Variants in PDGFRB observed in about 807,000 individuals in gnomAD.
PDGFRB encodes the protein platelet-derived growth factor receptor beta.
A neutral mutation model predicts 120.2 loss-of-function variants in PDGFRB; 42 were observed. That is an observed-to-expected ratio of 0.35 (90% CI 0.27 to 0.45). The LOEUF is 0.45. Among genes scored for constraint, PDGFRB ranks in the 20% least tolerant of loss-of-function variants. The pLI is 1.00. For synonymous variants in PDGFRB, 586 were observed against 606.8 expected (o/e 0.97, Z 0.50); for missense variants, 1,149 against 1,476.3 (o/e 0.78, Z 3.63).
intron 22 of PDGFRB, 94 bp from the exon 23 acceptor site, chr5:150,116,040 A>G: frequency 9.3e-7 from 1 of 1,074,042 alleles, no homozygotes; most frequent in Non-Finnish European, 1.3e-6. Flanking sequence ...CCACCCCTGC[A>G]CCGTAGGCTT....
In PDGFRB at chr5:150,145,247, G is replaced by GT. The variant is rs78419914; in HGVS notation, c.-6-8195dup. ...TTTCTTTCATCTAGCTTACTTTATT[G>GT]TAAGAACATAGTATATAATATACAT... On this transcript the variant is annotated intron_variant, in intron 1 of 22. Coordinates refer to ENST00000261799, the MANE Select transcript of PDGFRB (RefSeq NM_002609.4). Among the ~76,000 whole-genome samples, 194 of 152,270 alleles carry GT rather than the reference G, an allele frequency of 1.3e-3. 3 individuals carry two copies. In the East Asian group the frequency reaches 0.034, roughly 27 times the overall value.
chr5:150,141,521 A>G (rs1224162682), intron 1 of PDGFRB, among the ~76,000 whole-genome samples: 3 of 152,178 alleles, frequency 2.0e-5, no homozygotes, highest in Admixed American at 6.5e-5. Context: ...TAGAGCAGAG[A>G]TTAAAGTGAA....
chr5:150,136,570 G>C (rs1434219645), intron 2 of PDGFRB, among the ~76,000 whole-genome samples: 5 of 152,178 alleles, frequency 3.3e-5, no homozygotes, highest in African/African-American at 1.2e-4. Flanking sequence ...ATTAATTGCT[G>C]GGTCAGTCGC....
chr5:150,125,394 C>G lies in PDGFRB; in HGVS notation c.1807+51G>C, dbSNP rs759280229. Reference sequence around the variant, plus strand: ...CTGGGACCAGACCTCAGAGAGTCTTCCCACCCAACTTGAGTCCCCACACTG... The same window carrying G: ...CTGGGACCAGACCTCAGAGAGTCTTGCCACCCAACTTGAGTCCCCACACTG... On this transcript the variant is annotated intron_variant, in intron 12 of 22. Transcript: ENST00000261799. The G allele has an allele frequency of 3.2e-6, 5 of 1,550,908 alleles. No individual in the cohort carries two copies. In the East Asian group the frequency reaches 1.1e-4, roughly 35 times the overall value.
chr5:150,153,512 C>G (rs573265257), intron 1 of PDGFRB: 1 of 152,330 alleles, frequency 6.6e-6, no homozygotes, highest in African/African-American at 2.4e-5. Flanking sequence ...GGGAAAGTCA[C>G]TTAGCCTCTC....
Position 150,135,768 on chromosome 5 carries a change from C to T in PDGFRB, c.151G>A (p.Val51Ile), listed in dbSNP as rs761086433. 1.1e-5 allele frequency: 18 copies of T among 1,613,236 alleles called. No individual in the cohort carries two copies. The highest frequency in any genetic ancestry group is 1.7e-4 in the Middle Eastern group (1 of 6,058). ...GGAGCTGAACCCGAGCAGGTCAGAA[C>T]GAAGGTGCTGGAGACATTGAGGACA... ...ELVLNVSSTFVLTCSGSAPVV... is the reference protein window; with the variant it reads ...ELVLNVSSTFILTCSGSAPVV... Residue 51 changes from valine to isoleucine, a missense_variant, in exon 3 of 23, where the codon GTT (valine) becomes ATT (isoleucine). Physicochemically the swap from Val to Ile is conservative, Grantham distance 29. This residue lies in a region of PDGFRB where 879 missense variants were observed against 1,108.6 expected (regional missense o/e 0.79). Coordinates refer to ENST00000261799, the MANE Select transcript of PDGFRB (RefSeq NM_002609.4).
intron 1 of PDGFRB, among the ~76,000 whole-genome samples, chr5:150,140,438 G>A (rs116046272): frequency 0.013 from 1,936 of 152,320 alleles, 17 homozygotes; most frequent in Middle Eastern, 0.02. Context: ...GGCACCCCTA[G>A]GTGTCCCCCT....
chr5:150,115,215 A>G lies in PDGFRB; in HGVS notation c.*548T>C, dbSNP rs1182635171. The G allele has an allele frequency of 4.3e-6, 1 of 232,870 alleles. No individual in the cohort carries two copies. Among genetic ancestry groups the G allele is most frequent in the African/African-American group, 2.2e-5 (1 of 45,256 alleles). 14.4% of individuals were successfully genotyped at this position (232,870 alleles called of 1,614,324 possible). A position where few individuals can be genotyped will look rare whatever the true frequency, so the allele number is the denominator to read the frequency against. ...CAGGGACTGGCATCATAGGGAGGAG[A>G]CTGGCTTTCTTCTGGATGAGGCAAC... On this transcript the variant is annotated 3_prime_UTR_variant, in exon 23 of 23. Transcript: ENST00000261799.
At position 150,119,584 on chromosome 5, in the gene PDGFRB, CAA is replaced by C; in HGVS notation, c.2699-20_2699-19del. ...GGTGCCACCTGTTGGGGAGCAGAGACAAGAGATACACAGGCTCAGGGGTGGAA... is the reference window on the plus strand; with the variant it reads ...GGTGCCACCTGTTGGGGAGCAGAGACGAGATACACAGGCTCAGGGGTGGAA... On this transcript the variant is annotated intron_variant, in intron 19 of 22. Coordinates refer to ENST00000261799, the MANE Select transcript of PDGFRB (RefSeq NM_002609.4). The C allele has an allele frequency of 6.8e-7, 1 of 1,467,382 alleles. No homozygotes were observed. Among genetic ancestry groups the C allele is most frequent in the Non-Finnish European group, 9.6e-7 (1 of 1,045,968 alleles). 90.9% of individuals were successfully genotyped at this position (1,467,382 alleles called of 1,614,324 possible). A position where few individuals can be genotyped will look rare whatever the true frequency, so the allele number is the denominator to read the frequency against.
rs749262788 is a variant in PDGFRB at position 150,133,963 on chromosome 5, C to A, written c.677G>T (p.Arg226Leu). The change falls in exon 5 of 23, where the codon CGC (arginine) becomes CTC (leucine). Residue 226 changes from arginine to leucine, a missense_variant. By Grantham distance (102) the Arg-to-Leu change is moderately radical (BLOSUM62 -2). Around this residue, in one of 3 missense-constraint regions of PDGFRB, gnomAD observed 879 missense variants for 1,108.6 expected, o/e 0.79. Transcript: ENST00000261799. ...CATGAGGGTGATGTTCTCACCCTGG[C>A]GGACCACAGTCTGCACTGCGTTCAC... Reference protein sequence around the residue: ...VSVNAVQTVVRQGENITLMCI... With the variant: ...VSVNAVQTVVLQGENITLMCI... 1.9e-6 allele frequency: 3 copies of A among 1,613,288 alleles called. No individual in the cohort carries two copies. The highest frequency in any genetic ancestry group is 1.7e-4 in the Middle Eastern group (1 of 6,056).
chr5:150,119,663 G>A (rs1213602596), intron 19 of PDGFRB, 97 bp from the exon 20 acceptor site: 6 of 786,196 alleles, frequency 7.6e-6, no homozygotes, highest in Non-Finnish European at 1.1e-5. Flanking sequence ...GCTGGCCCTG[G>A]TATGGGTAAG....
In PDGFRB at chr5:150,120,739, C is replaced by A; in HGVS notation, c.2586+149G>T. 1 of 739,764 alleles carries A rather than the reference C, an allele frequency of 1.4e-6. No individual in the cohort carries two copies. The highest frequency in any genetic ancestry group is 2.2e-6 in the Non-Finnish European group (1 of 447,608). 45.8% of individuals were successfully genotyped at this position (739,764 alleles called of 1,614,324 possible). On this transcript the variant is annotated intron_variant, in intron 18 of 22. Coordinates refer to ENST00000261799, the MANE Select transcript of PDGFRB (RefSeq NM_002609.4). This position sits in a 1 kb window ranked among gnomAD's most constrained non-coding sequence, Gnocchi z 4.3. ...TCCTGTCCCTGCACACATAGCTGGG[C>A]AGGCACAGCCCATCACTGCTGTCAG... is the stretch of plus-strand genomic sequence containing the variant.
intron 4 of PDGFRB, 86 bp from the exon 5 acceptor site, chr5:150,134,094 A>G (rs1760556860): frequency 2.5e-6 from 3 of 1,222,258 alleles, no homozygotes; most frequent in African/African-American, 1.5e-5. Flanking sequence ...GGGGCTAGAG[A>G]GGGAAAGGAT....
rs1277924406 is a variant in PDGFRB, at chr5:150,135,722, G to A, written c.197C>T (p.Ser66Phe). ...GGCCATTTCCTGTGGGGGCTCCTGG[G>A]ACATCCGTTCCCACACCACCGGAGC... ...GSAPVVWERM[S>F]QEPPQEMAKA... The change falls in exon 3 of 23, where the codon TCC (serine) becomes TTC (phenylalanine). Residue 66 changes from serine (S) to phenylalanine (F), a missense_variant. By Grantham distance (155) the Ser-to-Phe change is radical. Coordinates refer to ENST00000261799, the MANE Select transcript of PDGFRB (RefSeq NM_002609.4). 1 of 1,614,036 alleles carries A rather than the reference G, an allele frequency of 6.2e-7. No homozygotes were observed. The highest frequency in any genetic ancestry group is 1.3e-5 in the African/African-American group (1 of 74,932).
chr5:150,132,739 G>A lies in PDGFRB; in HGVS notation c.1127+11C>T, dbSNP rs780970271. On this transcript the variant is annotated intron_variant, in intron 7 of 22. Coordinates refer to ENST00000261799, the MANE Select transcript of PDGFRB (RefSeq NM_002609.4). The surrounding 1 kb of genome is among the most constrained non-coding windows in gnomAD (Gnocchi z 5.0). ...AACTTCAAGAATGGGATGGGAGAGC[G>A]AGCTGCTCACCGGGTCTCCGACACG... The A allele has an allele frequency of 5.6e-6, 9 of 1,607,638 alleles. No homozygotes were observed. The South Asian group carries it at 6.6e-5, about 12-fold the overall frequency.
chr5:150,134,294 G>C (rs191728387), intron 4 of PDGFRB, among the ~76,000 whole-genome samples: 17 of 152,290 alleles, frequency 1.1e-4, no homozygotes, highest in Admixed American at 9.1e-4. Flanking sequence ...ATGTACAGGA[G>C]AAATGTATTG....
In PDGFRB at chr5:150,155,399, T is replaced by G; in HGVS notation, c.-9A>C. 1 of 386,650 alleles carries G rather than the reference T, an allele frequency of 2.6e-6. No homozygotes were observed. The highest frequency in any genetic ancestry group is 1.5e-4 in the South Asian group (1 of 6,874). 24.0% of individuals were successfully genotyped at this position (386,650 alleles called of 1,614,324 possible). On this transcript the variant is annotated splice_region_variant and 5_prime_UTR_variant, in exon 1 of 23. Transcript: ENST00000261799. ...TTCCCACTTTTTCCAGCACTTACCT[T>G]GCTGCTGATGGCTTCTGGTGTGGGC...
intron 9 of PDGFRB, 53 bp from the exon 10 acceptor site, chr5:150,130,021 G>C: frequency 7.3e-7 from 1 of 1,365,070 alleles, no homozygotes; most frequent in Non-Finnish European, 1.0e-6. Context: ...TTGCAGACAG[G>C]GAAACTGAGG....
intron 1 of PDGFRB, among the ~76,000 whole-genome samples, chr5:150,137,880 G>T (rs1160783853): frequency 6.6e-6 from 1 of 152,248 alleles, no homozygotes; most frequent in Non-Finnish European, 1.5e-5. Context: ...AATGATAGAA[G>T]TAGAAAGAGA....
Sources: allele counts gnomAD v4.1 joint callset (sites outside exome capture counted in the v4.1 genomes callset), GRCh38; gene constraint gnomAD v4.1.1; regional missense constraint gnomAD v4.1.1; non-coding constraint Gnocchi (gnomAD v3.1); transcripts MANE v1.5; gene names NCBI Gene and HGNC (gene_info 2026-07-23, HGNC 2026-07-21).